NBPF11: variants seen among roughly 807,000 people sequenced by gnomAD.
NBPF11 encodes NBPF member 11.
Under a neutral mutation model 93.9 loss-of-function variants are expected in NBPF11, and 72 were observed. The ratio of observed to expected loss-of-function variants is 0.77; its 90% CI spans 0.63 to 0.93. The LOEUF is 0.93. Among genes scored for constraint, NBPF11 ranks in the 40% least tolerant of loss-of-function variants. The probability of loss-of-function intolerance (pLI) is 0.00; values close to 1 mark genes in which losing one functional copy is unlikely to be tolerated. For missense variants in NBPF11, 705 were observed against 802.2 expected (o/e 0.88, Z 1.46); for synonymous variants, 224 against 304.9 (o/e 0.73, Z 2.76).
chr1:148,134,967 TGAATTAAA>T (rs1671038474), intron 4 of NBPF11, among the ~76,000 whole-genome samples: 1 of 151,542 alleles, frequency 6.6e-6, no homozygotes, highest in Non-Finnish European at 1.5e-5. Context: ...TAAACCTGCC[TGAATTAAA>T]GCTGATGGGA....
chr1:148,151,419 G>A (rs1458582912), intron 1 of NBPF11, among the ~76,000 whole-genome samples: 1 of 152,028 alleles, frequency 6.6e-6, no homozygotes. Context: ...TCGAGGGTGG[G>A]GTGCGAAGTC....
Position 148,120,518 on chromosome 1 carries a change from T to C in NBPF11, c.971A>G (p.Lys324Arg), listed in dbSNP as rs1667579991. The C allele has an allele frequency of 2.2e-6, 2 of 916,698 alleles. No homozygotes were observed. The highest frequency in any genetic ancestry group is 3.2e-5 in the African/African-American group (2 of 61,872). The allele number at this position is 916,698 out of a possible 1,614,324, so 56.8% of individuals were successfully genotyped here. Residue 324 changes from lysine (K) to arginine (R), a missense_variant, in exon 10 of 24, where the codon AAG (lysine) becomes AGG (arginine). Physicochemically the swap from Lys to Arg is conservative, Grantham distance 26 (BLOSUM62 2). This residue lies in a region of NBPF11 where 262 missense variants were observed against 223.1 expected (regional missense o/e 1.17). Coordinates refer to ENST00000682118, the MANE Select transcript of NBPF11 (RefSeq NM_001385469.3). ...FVTQVACFLA[K>R]QQNKYKYEEC... The stretch of plus-strand genomic sequence containing the variant: ...GATCTTACTGTATTTGTTCTGCTGC[T>C]TGGCCAGGAAGCAGGCCACTTGAGT...
intron 10 of NBPF11, among the ~76,000 whole-genome samples, chr1:148,119,018 C>T (rs1381645590): frequency 1.1e-4 from 15 of 135,158 alleles, no homozygotes; most frequent in African/African-American, 4.0e-4. Flanking sequence ...ACTCTGAATT[C>T]GGGGCCACTT....
At chr1:148,140,965 A>C (rs1672070790) in intron 2 of NBPF11, among the ~76,000 whole-genome samples, 1 of 152,048 alleles carries the variant, frequency 6.6e-6, no homozygotes, top group Non-Finnish European at 1.5e-5. Flanking sequence ...ATGAAATCTG[A>C]TTCAGGGATT....
intron 9 of NBPF11, 129 bp from the exon 10 acceptor site, chr1:148,120,839 T>G: frequency 1.3e-6 from 1 of 773,314 alleles, no homozygotes; most frequent in Non-Finnish European, 2.3e-6. Context: ...CTGGTTTCAC[T>G]CTTGTCATCT....
chr1:148,105,605 A>G (rs1663362623), intron 21 of NBPF11, 77 bp from the exon 22 acceptor site: 1 of 710,606 alleles, frequency 1.4e-6, no homozygotes, highest in East Asian at 2.7e-5. Context: ...TTTCATGGGT[A>G]GCATAAGGAA....
intron 1 of NBPF11, among the ~76,000 whole-genome samples, chr1:148,148,624 G>A (rs1356223811): frequency 2.6e-5 from 4 of 152,028 alleles, no homozygotes; most frequent in Non-Finnish European, 5.9e-5. Context: ...CTCACTGGGC[G>A]TGGGGACTCC....
intron 1 of NBPF11, chr1:148,146,939 G>A (rs1558169708): frequency 6.3e-7 from 1 of 1,593,464 alleles, no homozygotes; most frequent in Non-Finnish European, 8.5e-7. Flanking sequence ...CGACCCTGGG[G>A]GCAGCTCAGC....
intron 11 of NBPF11, among the ~76,000 whole-genome samples, chr1:148,118,131 C>A (rs1365040603): frequency 3.4e-5 from 5 of 147,020 alleles, no homozygotes; most frequent in African/African-American, 1.3e-4. Context: ...GTGCATCTTG[C>A]GGCCATTAGA....
Position 148,108,594 on chromosome 1 carries a change from T to G in NBPF11, c.1914A>C (p.Arg638Ser). 1 of 1,556,536 alleles carries G rather than the reference T, an allele frequency of 6.4e-7. No individual in the cohort carries two copies. Among genetic ancestry groups the G allele is most frequent in the Non-Finnish European group, 8.8e-7 (1 of 1,130,622 alleles). The change falls in exon 18 of 24, where the codon AGA (arginine) becomes AGC (serine). Residue 638 changes from arginine (R) to serine (S), a missense_variant. Coordinates refer to ENST00000682118, the MANE Select transcript of NBPF11 (RefSeq NM_001385469.3). ...GATAAACTGAAGGAGTTGAATAACA[T>G]CTATCCAGTGAGTCCTGCAAGACTT... ...EPEVLQDSLD[R>S]CYSTPSVYLG...
At chr1:148,136,413 C>A (rs1408809271) in intron 3 of NBPF11, among the ~76,000 whole-genome samples, 9 of 151,688 alleles carry the variant, frequency 5.9e-5, no homozygotes, top group African/African-American at 2.2e-4. Flanking sequence ...GTGATACATT[C>A]ATTCCATGGA....
rs1330592188 is a variant in NBPF11 at position 148,106,323 on chromosome 1, G to A, written c.2252-91C>T. 9 of 706,132 alleles carry A rather than the reference G, an allele frequency of 1.3e-5. No individual in the cohort carries two copies. In the East Asian group the frequency reaches 2.3e-4, roughly 18 times the overall value. The allele number at this position is 706,132 out of a possible 1,614,324, so 43.7% of individuals were successfully genotyped here. A position where few individuals can be genotyped will look rare whatever the true frequency, so the allele number is the denominator to read the frequency against. On this transcript the variant is annotated intron_variant, in intron 20 of 23. Coordinates refer to ENST00000682118, the MANE Select transcript of NBPF11 (RefSeq NM_001385469.3). ...GTCTAATCCCCACACAGGGATCTCAGGCTCCTCAGCATGAGAACAGGACAA... is the reference window on the plus strand; with the variant it reads ...GTCTAATCCCCACACAGGGATCTCAAGCTCCTCAGCATGAGAACAGGACAA...
chr1:148,125,528 T>G (rs1668909007), intron 5 of NBPF11, among the ~76,000 whole-genome samples: 1 of 152,008 alleles, frequency 6.6e-6, no homozygotes, highest in Non-Finnish European at 1.5e-5. Context: ...GTGTGAGACA[T>G]AAGACAATAA....
chr1:148,106,447 T>C (rs1446941172), intron 20 of NBPF11, among the ~76,000 whole-genome samples: 1 of 145,246 alleles, frequency 6.9e-6, no homozygotes, highest in African/African-American at 2.7e-5. Flanking sequence ...TGGTAGATCG[T>C]TATCCCAAAA....
At chr1:148,142,279 G>C (rs1672317484) in intron 2 of NBPF11, among the ~76,000 whole-genome samples, 1 of 151,920 alleles carries the variant, frequency 6.6e-6, no homozygotes, top group African/African-American at 2.4e-5. Flanking sequence ...AGTTATTAGA[G>C]AGAGACGCAC....
rs7367669 is a variant in NBPF11, at chr1:148,143,238, C to T, written c.-277+177G>A. Reference sequence around the variant, plus strand: ...CGACCATGGCACTGCAAGTCCAGGGCGGCACACGCTGTGAATATTTGTTCA... The same window carrying T: ...CGACCATGGCACTGCAAGTCCAGGGTGGCACACGCTGTGAATATTTGTTCA... On this transcript the variant is annotated intron_variant, in intron 2 of 23. Coordinates refer to ENST00000682118, the MANE Select transcript of NBPF11 (RefSeq NM_001385469.3). Among the ~76,000 whole-genome samples, 97 of 152,034 alleles carry T rather than the reference C, an allele frequency of 6.4e-4. 1 individual carries two copies. Among genetic ancestry groups the T allele is most frequent in the Non-Finnish European group, 3.5e-4 (24 of 68,010 alleles).
At chr1:148,142,540 A>G (rs1672360490) in intron 2 of NBPF11, among the ~76,000 whole-genome samples, 7 of 151,816 alleles carry the variant, frequency 4.6e-5, no homozygotes. Context: ...GACATCGTCC[A>G]TTTGTCATTC....
Position 148,134,805 on chromosome 1 carries a change from G to C in NBPF11, c.-36+867C>G, listed in dbSNP as rs1398532167. ...ACTGCCAGGCTGAGGGACGATGCAA[G>C]AGAATAGAAGAGATGCTCACAGACA... On this transcript the variant is annotated intron_variant, in intron 4 of 23. Coordinates refer to ENST00000682118, the MANE Select transcript of NBPF11 (RefSeq NM_001385469.3). Among the ~76,000 whole-genome samples the C allele has an allele frequency of 1.5e-3, 222 of 152,048 alleles. 2 individuals are homozygous for C. The highest frequency in any genetic ancestry group is 5.1e-3 in the African/African-American group (212 of 41,310).
intron 1 of NBPF11, among the ~76,000 whole-genome samples, chr1:148,144,559 T>C (rs1174173180): frequency 3.3e-5 from 5 of 151,894 alleles, no homozygotes; most frequent in Admixed American, 6.5e-5. Flanking sequence ...GGAGCTTATA[T>C]TGAAAATGAG....
Sources: gnomAD v4.1 joint callset for allele counts (sites outside exome capture counted in the v4.1 genomes callset) on GRCh38, gnomAD v4.1.1 for gene constraint, gnomAD v4.1.1 regional missense constraint, MANE v1.5 for transcripts, NCBI Gene and HGNC (gene_info 2026-07-23, HGNC 2026-07-21) for gene names.